Variants in RIMS1 observed in about 807,000 individuals in gnomAD.
RIMS1 encodes regulating synaptic membrane exocytosis 1.
A neutral mutation model predicts 214.1 loss-of-function variants in RIMS1; 83 were observed. The observed-to-expected ratio is 0.39, with a 90% confidence interval of 0.32 to 0.47. The LOEUF is 0.47. RIMS1 is among the 20% of genes least tolerant of loss of function. The pLI is 0.99. For synonymous variants in RIMS1, 793 were observed against 786.8 expected (o/e 1.01, Z -0.13); for missense variants, 2,050 against 2,161.8 (o/e 0.95, Z 1.03).
At chr6:72,122,205 T>TC (rs201993406) in intron 4 of RIMS1, among the ~76,000 whole-genome samples, 1,535 of 103,466 alleles carry the variant, frequency 0.015, 40 homozygotes, top group Non-Finnish European at 0.022. Flanking sequence ...TTTTCCTTTT[T>TC]TCTTTTTTTT....
chr6:71,908,501 A>G (rs964358307), intron 1 of RIMS1, among the ~76,000 whole-genome samples: 1 of 152,152 alleles, frequency 6.6e-6, no homozygotes, highest in Non-Finnish European at 1.5e-5. Flanking sequence ...CCTCCTCTAC[A>G]TGACTGCTCC....
intron 29 of RIMS1, among the ~76,000 whole-genome samples, chr6:72,338,283 T>C (rs373615421): frequency 0.012 from 1,805 of 151,436 alleles, 28 homozygotes; most frequent in African/African-American, 0.041. Flanking sequence ...GATCACCATT[T>C]TAACTGGTGT....
chr6:72,393,105 G>T (rs1205574706), intron 31 of RIMS1, among the ~76,000 whole-genome samples: 1 of 146,914 alleles, frequency 6.8e-6, no homozygotes, highest in Non-Finnish European at 1.5e-5. Flanking sequence ...AAAAAAGACT[G>T]TTCAGTAAAG....
chr6:72,157,224 GC>G (rs1256433592), intron 4 of RIMS1, among the ~76,000 whole-genome samples: 1 of 140,532 alleles, frequency 7.1e-6, no homozygotes. Context: ...GGAACAGACT[GC>G]ATCAAATATA....
intron 1 of RIMS1, among the ~76,000 whole-genome samples, chr6:71,946,753 T>G (rs1292030060): frequency 6.6e-6 from 1 of 151,470 alleles, no homozygotes; most frequent in African/African-American, 2.4e-5. Context: ...ACCCCAAAAG[T>G]ATAGGCAACG....
chr6:72,107,070 T>A (rs901120022), intron 4 of RIMS1, among the ~76,000 whole-genome samples: 1 of 152,220 alleles, frequency 6.6e-6, no homozygotes, highest in African/African-American at 2.4e-5. Context: ...AATGCCATCC[T>A]CCATGCAGAG....
intron 29 of RIMS1, among the ~76,000 whole-genome samples, chr6:72,354,573 T>C (rs906833698): frequency 2.6e-5 from 4 of 152,256 alleles, no homozygotes; most frequent in Non-Finnish European, 4.4e-5. Context: ...GTTTCTTAGA[T>C]GCTCTGTATG....
At chr6:72,198,890 C>T (rs1400429003) in intron 6 of RIMS1, among the ~76,000 whole-genome samples, 1 of 151,906 alleles carries the variant, frequency 6.6e-6, no homozygotes, top group East Asian at 1.9e-4. Flanking sequence ...TCTCAGAAAA[C>T]CTGCATTTTA....
intron 2 of RIMS1, among the ~76,000 whole-genome samples, chr6:72,093,575 T>G (rs192699920): frequency 9.2e-5 from 14 of 152,232 alleles, no homozygotes; most frequent in African/African-American, 2.6e-4. Context: ...TTCATTTAGC[T>G]GGATTTTTAA....
intron 4 of RIMS1, among the ~76,000 whole-genome samples, chr6:72,174,317 T>C (rs2047424410): frequency 6.6e-6 from 1 of 152,148 alleles, no homozygotes. Context: ...GAGTATAGGG[T>C]TTGGGGGCAT....
chr6:72,235,647 G>A lies in RIMS1; in HGVS notation c.1776G>A (p.Glu592=), dbSNP rs77121218. The A allele has an allele frequency of 0.015, 24,502 of 1,610,726 alleles. 217 individuals are homozygous for A. The highest frequency in any genetic ancestry group is 0.024 in the African/African-American group (1,766 of 74,882). ...SHPVTWQPSK[E]GDRLIGRVIL... is the part of the protein sequence containing the mutation. ...CTGTAACGTGGCAACCATCTAAAGA[G>A]GGGGACCGATTAATTGGACGTGTTA... Residue 592 remains glutamate, a synonymous_variant, in exon 8 of 34, where the codon GAG becomes GAA. Coordinates refer to ENST00000521978, the MANE Select transcript of RIMS1 (RefSeq NM_014989.7).
intron 1 of RIMS1, among the ~76,000 whole-genome samples, chr6:71,951,478 C>CTTTTTCTTTTTCTTTTTTT (rs1237497676): frequency 1.6e-5 from 2 of 128,858 alleles, no homozygotes; most frequent in African/African-American, 6.0e-5. Flanking sequence ...TTTTCTTTTT[C>CTTTTTCTTTTTCTTTTTTT]TTTTTTTTTT....
At chr6:72,160,567 T>G (rs1424954222) in intron 4 of RIMS1, among the ~76,000 whole-genome samples, 1 of 140,266 alleles carries the variant, frequency 7.1e-6, no homozygotes, top group Non-Finnish European at 1.6e-5. Flanking sequence ...CATCAATACC[T>G]AATTTATTGA....
At chr6:71,971,287 A>C (rs1280116745) in intron 2 of RIMS1, among the ~76,000 whole-genome samples, 1 of 152,162 alleles carries the variant, frequency 6.6e-6, no homozygotes, top group Non-Finnish European at 1.5e-5. Context: ...GAAGTGGGCA[A>C]AACTAGAGAC....
At position 72,161,268 on chromosome 6, in the gene RIMS1, C is replaced by T. The variant is rs1450783849; in HGVS notation, c.472-18307C>T. Among the ~76,000 whole-genome samples the T allele has an allele frequency of 7.9e-5, 11 of 138,836 alleles. 4 individuals carry two copies. Among genetic ancestry groups the T allele is most frequent in the Non-Finnish European group, 1.6e-4 (10 of 61,272 alleles). The allele number at this position is 138,836 out of a possible 152,430, so 91.1% of individuals were successfully genotyped here. A position where few individuals can be genotyped will look rare whatever the true frequency, so the allele number is the denominator to read the frequency against. On this transcript the variant is annotated intron_variant, in intron 4 of 33. Coordinates refer to ENST00000521978, the MANE Select transcript of RIMS1 (RefSeq NM_014989.7). Reference sequence around the variant, plus strand: ...CAGTTTTTATTGCATCTGTTTGATTCTTCTCTCTTTTCTTCTTTAGTAGTC... The same window carrying T: ...CAGTTTTTATTGCATCTGTTTGATTTTTCTCTCTTTTCTTCTTTAGTAGTC...
chr6:72,132,739 T>A (rs2040636017), intron 4 of RIMS1, among the ~76,000 whole-genome samples: 1 of 152,174 alleles, frequency 6.6e-6, no homozygotes, highest in South Asian at 2.1e-4. Flanking sequence ...TGTAAATTTC[T>A]TGGGCCCGCC....
chr6:71,899,926 A>G (rs1192253), intron 1 of RIMS1, among the ~76,000 whole-genome samples: 134,974 of 152,208 alleles, frequency 0.89, 60,167 homozygotes, highest in East Asian at 0.99. Flanking sequence ...TAGATTGGGC[A>G]CTACTCATGA....
At chr6:72,348,277 C>T (rs936271171) in intron 29 of RIMS1, among the ~76,000 whole-genome samples, 11 of 151,758 alleles carry the variant, frequency 7.2e-5, no homozygotes, top group African/African-American at 2.7e-4. Context: ...AAATGCAAAT[C>T]CAAAATAAAG....
At chr6:72,340,999 A>G (rs979391169) in intron 29 of RIMS1, among the ~76,000 whole-genome samples, 1 of 151,918 alleles carries the variant, frequency 6.6e-6, no homozygotes, top group South Asian at 2.1e-4. Context: ...GGTCCTTCAC[A>G]TCCCTTGTAA....
Sources: gnomAD v4.1 joint callset for allele counts (sites outside exome capture counted in the v4.1 genomes callset) on GRCh38, gnomAD v4.1.1 for gene constraint, MANE v1.5 for transcripts, NCBI Gene and HGNC (gene_info 2026-07-23, HGNC 2026-07-21) for gene names.